DPP6: variants seen among roughly 807,000 people sequenced by gnomAD.
The protein encoded by DPP6 is dipeptidyl peptidase like 6, also known as A-type potassium channel modulatory protein DPP6.
In DPP6, 69 loss-of-function variants were observed where a neutral mutation model predicts 122.6. The ratio of observed to expected loss-of-function variants is 0.56; its 90% CI spans 0.46 to 0.69. The LOEUF is 0.69. Ranked by LOEUF, DPP6 falls within the 30% of genes least tolerant of loss-of-function variation. DPP6 has a pLI of 0.00. For missense variants in DPP6, 928 were observed against 1,116.9 expected (o/e 0.83, Z 2.41); for synonymous variants, 418 against 433.1 (o/e 0.97, Z 0.43).
chr7:154,665,877 T>C (rs1286212730), intron 6 of DPP6, among the ~76,000 whole-genome samples: 5 of 152,060 alleles, frequency 3.3e-5, no homozygotes, highest in African/African-American at 4.8e-5. Flanking sequence ...GTGAAAAACC[T>C]GGCTTTCATT....
chr7:153,830,658 G>A, the DPP6 span, among the ~76,000 whole-genome samples: 1 of 152,168 alleles, frequency 6.6e-6, no homozygotes, highest in South Asian at 2.1e-4. Flanking sequence ...CTCGTGCTTG[G>A]TAACAGTGGC....
At chr7:154,444,312 A>T (rs1356607722) in intron 1 of DPP6, among the ~76,000 whole-genome samples, 2 of 152,062 alleles carry the variant, frequency 1.3e-5, no homozygotes, top group African/African-American at 4.8e-5. Flanking sequence ...AAAAAAAAAA[A>T]AAATTAGCCA....
intron 10 of DPP6, among the ~76,000 whole-genome samples, chr7:154,780,692 A>C (rs1435202115): frequency 6.6e-6 from 1 of 152,228 alleles, no homozygotes; most frequent in Non-Finnish European, 1.5e-5. Flanking sequence ...ACAAGTAGCA[A>C]ATTCAGTACA....
intron 3 of DPP6, among the ~76,000 whole-genome samples, chr7:154,524,048 G>C (rs1827213047): frequency 6.6e-6 from 1 of 152,192 alleles, no homozygotes; most frequent in African/African-American, 2.4e-5. Flanking sequence ...ACAGTCTTCT[G>C]AAAGGTGGAA....
chr7:154,392,692 C>T (rs1354953445), intron 1 of DPP6, among the ~76,000 whole-genome samples: 1 of 152,212 alleles, frequency 6.6e-6, no homozygotes, highest in East Asian at 1.9e-4. Context: ...AACTACAATC[C>T]TCATTCCCAG....
chr7:154,434,713 G>C (rs939610850), intron 1 of DPP6, among the ~76,000 whole-genome samples: 7 of 152,132 alleles, frequency 4.6e-5, no homozygotes, highest in Admixed American at 1.3e-4. Flanking sequence ...TGACTCTCTA[G>C]ACAGTTGAGT....
intron 1 of DPP6, among the ~76,000 whole-genome samples, chr7:154,363,498 T>C (rs1165920231): frequency 6.6e-6 from 1 of 152,162 alleles, no homozygotes. Flanking sequence ...AGCCTTCAAA[T>C]TGAGGACCTC....
Position 154,449,646 on chromosome 7 carries a change from C to T in DPP6, c.358+3318C>T, listed in dbSNP as rs189608926. On this transcript the variant is annotated intron_variant, in intron 2 of 25. Coordinates refer to ENST00000377770, the MANE Select transcript of DPP6 (RefSeq NM_130797.4). ...AGAAACTAGTACATGAGGTTCATAA[C>T]AGCATTAATGATAATAGCCAAAAAA... Among the ~76,000 whole-genome samples the T allele has an allele frequency of 1.6e-4, 25 of 152,166 alleles. No homozygotes were observed. In the East Asian group the frequency reaches 4.8e-3, roughly 29 times the overall value.
At chr7:154,124,142 T>G (rs1269362998) in intron 1 of DPP6, among the ~76,000 whole-genome samples, 4 of 152,140 alleles carry the variant, frequency 2.6e-5, no homozygotes, top group African/African-American at 9.7e-5. Context: ...GTTCCACTCC[T>G]CCACTTGCTT....
chr7:154,433,067 C>T (rs1283113289), intron 1 of DPP6, among the ~76,000 whole-genome samples: 1 of 150,622 alleles, frequency 6.6e-6, no homozygotes, highest in African/African-American at 2.4e-5. Flanking sequence ...GGGGCTTTAC[C>T]AAACTGACTT....
intron 1 of DPP6, among the ~76,000 whole-genome samples, chr7:153,946,623 A>G (rs1162767440): frequency 3.9e-5 from 6 of 152,104 alleles, no homozygotes; most frequent in Non-Finnish European, 8.8e-5. Flanking sequence ...CCTCCTGGGA[A>G]TGCAGCCCAG....
intron 2 of DPP6, among the ~76,000 whole-genome samples, chr7:154,454,055 T>C (rs918471491): frequency 3.9e-5 from 6 of 152,222 alleles, no homozygotes; most frequent in Non-Finnish European, 5.9e-5. Flanking sequence ...TTGGGCATTT[T>C]CTCTCTGTTA....
At chr7:154,484,528 T>C (rs983077064) in intron 3 of DPP6, among the ~76,000 whole-genome samples, 3 of 152,214 alleles carry the variant, frequency 2.0e-5, no homozygotes, top group Non-Finnish European at 4.4e-5. Context: ...CTGGAGCTGA[T>C]TGACAGAAGC....
intron 1 of DPP6, among the ~76,000 whole-genome samples, chr7:154,119,035 C>A (rs902862763): frequency 6.6e-6 from 1 of 152,110 alleles, no homozygotes; most frequent in Non-Finnish European, 1.5e-5. Context: ...GGCTATGATG[C>A]AGTCATGTCA....
chr7:154,633,771 T>C (rs139021154), intron 5 of DPP6, among the ~76,000 whole-genome samples: 13 of 152,290 alleles, frequency 8.5e-5, no homozygotes, highest in African/African-American at 3.1e-4. Context: ...TGGAAGACAA[T>C]GATATTTTAT....
intron 1 of DPP6, among the ~76,000 whole-genome samples, chr7:154,306,728 T>TA (rs1158271928): frequency 6.6e-6 from 1 of 152,306 alleles, no homozygotes; most frequent in East Asian, 1.9e-4. Flanking sequence ...CTAAAGAACT[T>TA]AAATGAAGTT....
intron 1 of DPP6, among the ~76,000 whole-genome samples, chr7:154,014,488 C>G (rs1798305518): frequency 6.6e-6 from 1 of 150,956 alleles, no homozygotes; most frequent in Admixed American, 6.6e-5. Context: ...AACCCCAGCT[C>G]TACTAAAAAT....
chr7:154,714,540 C>A (rs900522407), intron 7 of DPP6, among the ~76,000 whole-genome samples: 3 of 152,116 alleles, frequency 2.0e-5, no homozygotes, highest in Admixed American at 1.3e-4. Flanking sequence ...GAATGAGTGC[C>A]CAGCAAAGGG....
chr7:153,984,390 T>G (rs1311939787), intron 1 of DPP6, among the ~76,000 whole-genome samples: 1 of 152,164 alleles, frequency 6.6e-6, no homozygotes, highest in Non-Finnish European at 1.5e-5. Flanking sequence ...CACAAGACAA[T>G]ATTACCAGAA....
Sources: gnomAD v4.1 joint callset for allele counts (sites outside exome capture counted in the v4.1 genomes callset) on GRCh38, gnomAD v4.1.1 for gene constraint, MANE v1.5 for transcripts, NCBI Gene and HGNC (gene_info 2026-07-23, HGNC 2026-07-21) for gene names.